ATP13A5: variants seen among roughly 807,000 people sequenced by gnomAD.
ATP13A5 encodes ATPase 13A5.
In ATP13A5, 149 loss-of-function variants were observed where a neutral mutation model predicts 150.2. That is an observed-to-expected ratio of 0.99 (90% CI 0.87 to 1.14). The LOEUF (loss-of-function observed/expected upper bound fraction) is 1.14. Among genes scored for constraint, ATP13A5 ranks in the 50% most tolerant of loss-of-function variants. The pLI, the probability that ATP13A5 is intolerant of heterozygous loss-of-function variation, is 0.00. For synonymous variants in ATP13A5, 497 were observed against 522.2 expected, an observed-to-expected ratio of 0.95 and a Z score of 0.66; for missense variants, 1,383 against 1,449.3, an observed-to-expected ratio of 0.95 and a Z score of 0.74.
chr3:193,282,031 TAAAAATACA>T (rs1160571427), intron 27 of ATP13A5, among the ~76,000 whole-genome samples: 4 of 151,954 alleles, frequency 2.6e-5, no homozygotes, highest in South Asian at 4.2e-4. Flanking sequence ...CCGCCTCTAC[TAAAAATACA>T]AAAAAATTAG....
intron 1 of ATP13A5, among the ~76,000 whole-genome samples, chr3:193,366,728 C>T (rs1713254845): frequency 6.6e-6 from 1 of 151,958 alleles, no homozygotes; most frequent in Non-Finnish European, 1.5e-5. Context: ...GTCTGAACAC[C>T]TCCACTAGCT....
At chr3:193,328,670 T>C (rs535436863) in intron 12 of ATP13A5, among the ~76,000 whole-genome samples, 65 of 152,174 alleles carry the variant, frequency 4.3e-4, no homozygotes, top group Non-Finnish European at 7.6e-4. Flanking sequence ...AGAGAAAACC[T>C]CTTAGCATAA....
intron 20 of ATP13A5, 120 bp downstream of exon 20, chr3:193,311,696 G>T: frequency 7.2e-7 from 1 of 1,385,120 alleles, no homozygotes; most frequent in Non-Finnish European, 9.7e-7. Context: ...TACTCCTTTG[G>T]GGGTGTTTAT....
intron 27 of ATP13A5, among the ~76,000 whole-genome samples, chr3:193,282,475 A>G (rs1717543803): frequency 6.6e-6 from 1 of 152,012 alleles, no homozygotes; most frequent in Admixed American, 6.5e-5. Context: ...CCTGGGTTCA[A>G]GCAATTCTCC....
In ATP13A5 at chr3:193,374,629, AG is replaced by A. The variant is rs528705815; in HGVS notation, c.63+4033del. On this transcript the variant is annotated intron_variant, in intron 1 of 29. Transcript: ENST00000342358. The stretch of plus-strand genomic sequence containing the variant: ...CACTGCACTCCAGCCTGTGTGGCAG[AG>A]TAAGACCATGACACACACACACACA... Among the ~76,000 whole-genome samples the A allele has an allele frequency of 9.4e-5, 13 of 138,478 alleles. No individual in the cohort carries two copies. In the South Asian group the frequency reaches 3.0e-3, roughly 32 times the overall value. 90.8% of individuals were successfully genotyped at this position (138,478 alleles called of 152,430 possible).
chr3:193,275,074 G>A lies in ATP13A5; in HGVS notation c.3625C>T (p.Pro1209Ser). ...PKRKLKLGGQ[P>S]TEQHFWARL ...CTGGCCCAGAAATGCTGTTCTGTGGGTTGGCCTCCCAATTTGAGTTTTCTT... is the reference window on the plus strand; with the variant it reads ...CTGGCCCAGAAATGCTGTTCTGTGGATTGGCCTCCCAATTTGAGTTTTCTT... The change falls in exon 30 of 30, where the codon CCC becomes TCC. Residue 1209 changes from proline (P) to serine (S), a missense_variant. Around this residue, in one of 3 missense-constraint regions of ATP13A5, gnomAD observed 568 missense variants for 621.5 expected, o/e 0.91. Transcript: ENST00000342358. 6.2e-7 allele frequency: 1 copy of A among 1,614,200 alleles called. No individual in the cohort carries two copies. Among genetic ancestry groups the A allele is most frequent in the Non-Finnish European group, 8.5e-7 (1 of 1,180,038 alleles).
At chr3:193,332,771 G>T (rs781652878) in intron 11 of ATP13A5, among the ~76,000 whole-genome samples, 10 of 152,122 alleles carry the variant, frequency 6.6e-5, no homozygotes, top group Non-Finnish European at 1.0e-4. Flanking sequence ...TGACCCACAA[G>T]AAGTTGGGGT....
intron 12 of ATP13A5, among the ~76,000 whole-genome samples, chr3:193,328,905 A>G (rs1711516167): frequency 6.6e-6 from 1 of 152,232 alleles, no homozygotes. Context: ...TGAAAGCTGG[A>G]AAGAAACTCA....
chr3:193,358,490 G>A (rs1032035338), intron 5 of ATP13A5, among the ~76,000 whole-genome samples: 8 of 152,196 alleles, frequency 5.3e-5, no homozygotes, highest in African/African-American at 9.6e-5. Flanking sequence ...TATATTTTGA[G>A]AAATTGCTTT....
chr3:193,330,755 A>G (rs560637412), intron 12 of ATP13A5, among the ~76,000 whole-genome samples: 5 of 152,258 alleles, frequency 3.3e-5, no homozygotes, highest in Admixed American at 2.0e-4. Context: ...GAGAGGAAAC[A>G]GATTCACTTA....
chr3:193,328,240 G>T (rs146334005), intron 12 of ATP13A5, among the ~76,000 whole-genome samples: 1 of 152,310 alleles, frequency 6.6e-6, no homozygotes, highest in Non-Finnish European at 1.5e-5. Flanking sequence ...GAAAGACAAA[G>T]CTCTTTCTGG....
Position 193,311,934 on chromosome 3 carries a change from T to C in ATP13A5, c.2327A>G (p.Tyr776Cys), listed in dbSNP as rs1039647827. Residue 776 changes from tyrosine (Y) to cysteine (C), a missense_variant, in exon 20 of 30, where the codon TAC becomes TGC. By Grantham distance (194) the Tyr-to-Cys change is radical (BLOSUM62 -2). This residue lies in a region of ATP13A5 where 568 missense variants were observed against 621.5 expected (regional missense o/e 0.91). Coordinates refer to ENST00000342358, the MANE Select transcript of ATP13A5 (RefSeq NM_198505.4). The part of the protein sequence containing the change: ...QETGPGKKEI[Y>C]MHTGNSSTPR... The stretch of plus-strand genomic sequence containing the variant: ...GGTTGAACTGTTTCCAGTATGCATG[T>C]AGATTTCCTAAAATCAAAAGGGCAT... 6.2e-7 allele frequency: 1 copy of C among 1,613,732 alleles called. No individual in the cohort carries two copies. Among genetic ancestry groups the C allele is most frequent in the African/African-American group, 1.3e-5 (1 of 75,048 alleles).
chr3:193,373,161 T>C (rs1235432895), intron 1 of ATP13A5, among the ~76,000 whole-genome samples: 1 of 152,186 alleles, frequency 6.6e-6, no homozygotes. Context: ...TTTTTTGAGA[T>C]AGAGTCTCAC....
At chr3:193,369,477 G>C (rs918528816) in intron 1 of ATP13A5, among the ~76,000 whole-genome samples, 27 of 151,966 alleles carry the variant, frequency 1.8e-4, no homozygotes, top group Non-Finnish European at 2.8e-4. Context: ...TATTTATTTT[G>C]ACCAACTAAT....
chr3:193,285,375 C>T (rs1717678220), intron 26 of ATP13A5, among the ~76,000 whole-genome samples: 1 of 152,108 alleles, frequency 6.6e-6, no homozygotes, highest in South Asian at 2.1e-4. Flanking sequence ...TTTATGAATT[C>T]CTATCAATTC....
At chr3:193,330,208 G>A (rs948683759) in intron 12 of ATP13A5, among the ~76,000 whole-genome samples, 1 of 152,140 alleles carries the variant, frequency 6.6e-6, no homozygotes, top group African/African-American at 2.4e-5. Context: ...GCAGGTAACT[G>A]TGCCCCGCGC....
chr3:193,340,172 G>C lies in ATP13A5; in HGVS notation c.943+3755C>G, dbSNP rs189224578. On this transcript the variant is annotated intron_variant, in intron 9 of 29. Coordinates refer to ENST00000342358, the MANE Select transcript of ATP13A5 (RefSeq NM_198505.4). Reference sequence around the variant, plus strand: ...TTGGCTCCCTGTGCTGTCACGTGGAGGTTCTCTCCCTTGTCCACAAGGATC... The same window carrying C: ...TTGGCTCCCTGTGCTGTCACGTGGACGTTCTCTCCCTTGTCCACAAGGATC... 9.5e-4 allele frequency among the ~76,000 whole-genome samples: 144 copies of C among 152,304 alleles called. 1 individual carries two copies. The highest frequency in any genetic ancestry group is 3.3e-3 in the African/African-American group (138 of 41,568).
At chr3:193,286,194 T>C (rs1255312236) in intron 26 of ATP13A5, among the ~76,000 whole-genome samples, 2 of 152,202 alleles carry the variant, frequency 1.3e-5, no homozygotes, top group Non-Finnish European at 2.9e-5. Flanking sequence ...TTGAAACTTT[T>C]AAACCACTAT....
intron 16 of ATP13A5, among the ~76,000 whole-genome samples, chr3:193,321,174 C>G (rs2108862279): frequency 6.6e-6 from 1 of 152,282 alleles, no homozygotes; most frequent in Middle Eastern, 3.4e-3. Flanking sequence ...TGTGGTTGTA[C>G]TTTTCTTACT....
Sources: allele counts gnomAD v4.1 joint callset (sites outside exome capture counted in the v4.1 genomes callset), GRCh38; gene constraint gnomAD v4.1.1; regional missense constraint gnomAD v4.1.1; transcripts MANE v1.5; gene names NCBI Gene and HGNC (gene_info 2026-07-23, HGNC 2026-07-21).